The following NLK variants were observed in gnomAD, a reference collection of about 807,000 sequenced individuals.
NLK encodes nemo like kinase.
Under a neutral mutation model 59.0 loss-of-function variants are expected in NLK, and 11 were observed. The observed-to-expected ratio is 0.19, with a 90% CI of 0.12 to 0.31. The LOEUF (loss-of-function observed/expected upper bound fraction) is 0.31, where lower values mean the gene tolerates loss of function less well. Among genes scored for constraint, NLK ranks in the 10% least tolerant of loss-of-function variants. The pLI, the probability that NLK is intolerant of heterozygous loss-of-function variation, is 1.00. For missense variants in NLK, 410 were observed against 661.1 expected (o/e 0.62, Z 4.16); for synonymous variants, 235 against 235.9 (o/e 1.00, Z 0.03).
rs1394476582 is a variant in NLK, at chr17:28,111,896, G to GTGGTGT, written c.459-10707_459-10706insTGGTGT. ...TGTGTGTGTGTGTGTGTGTGTGTGT[G>GTGGTGT]GTGTGTGTGTGTGTGTGTGTGTGTG... On this transcript the variant is annotated intron_variant, in intron 1 of 10. Coordinates refer to ENST00000407008, the MANE Select transcript of NLK (RefSeq NM_016231.5). 4.0e-3 allele frequency among the ~76,000 whole-genome samples: 273 copies of GTGGTGT among 67,514 alleles called. 1 individual carries two copies. Among genetic ancestry groups the GTGGTGT allele is most frequent in the Middle Eastern group, 0.027 (2 of 74 alleles). 44.3% of individuals were successfully genotyped at this position (67,514 alleles called of 152,430 possible). A position where few individuals can be genotyped will look rare whatever the true frequency, so the allele number is the denominator to read the frequency against.
intron 3 of NLK, among the ~76,000 whole-genome samples, chr17:28,143,358 A>T (rs1043567581): frequency 6.0e-5 from 9 of 150,314 alleles, no homozygotes; most frequent in Admixed American, 5.9e-4. Flanking sequence ...GAAAACTTTT[A>T]AAAAAGGATT....
chr17:28,186,575 G>A (rs1182188741), intron 8 of NLK, among the ~76,000 whole-genome samples: 1 of 152,146 alleles, frequency 6.6e-6, no homozygotes, highest in East Asian at 1.9e-4. Context: ...CACATGGCTG[G>A]GGAAGCCTCA....
At chr17:28,137,816 A>G (rs568974788) in intron 3 of NLK, among the ~76,000 whole-genome samples, 2 of 152,306 alleles carry the variant, frequency 1.3e-5, no homozygotes, top group African/African-American at 4.8e-5. Context: ...ACAGGGTTCA[A>G]CAGATGTAGG....
At chr17:28,205,835 CAAGT>C in the NLK span, among the ~76,000 whole-genome samples, 1 of 152,056 alleles carries the variant, frequency 6.6e-6, no homozygotes, top group Non-Finnish European at 1.5e-5. Context: ...TTCATCCATG[CAAGT>C]AAGTTTAGAC....
chr17:28,049,809 C>G (rs1285287955), intron 1 of NLK, among the ~76,000 whole-genome samples: 1 of 152,024 alleles, frequency 6.6e-6, no homozygotes, highest in Non-Finnish European at 1.5e-5. Flanking sequence ...GGTGAAATCC[C>G]GTCTCTACTA....
intron 3 of NLK, among the ~76,000 whole-genome samples, chr17:28,141,187 C>T (rs1188201321): frequency 6.6e-6 from 1 of 152,058 alleles, no homozygotes. Context: ...TTAAATGGAC[C>T]ACTATTTTAT....
chr17:28,067,854 A>ATG (rs1422314183), intron 1 of NLK, among the ~76,000 whole-genome samples: 1 of 151,288 alleles, frequency 6.6e-6, no homozygotes, highest in Non-Finnish European at 1.5e-5. Context: ...ATATATATAT[A>ATG]TATGGTCTGG....
intron 10 of NLK, among the ~76,000 whole-genome samples, chr17:28,192,592 C>T (rs1909344951): frequency 2.0e-5 from 3 of 151,614 alleles, no homozygotes; most frequent in Admixed American, 6.6e-5. Flanking sequence ...CACTTGAACC[C>T]GGGAGGCAGA....
At chr17:28,193,640 C>G (rs549773620) in intron 10 of NLK, among the ~76,000 whole-genome samples, 1 of 152,344 alleles carries the variant, frequency 6.6e-6, no homozygotes, top group African/African-American at 2.4e-5. Flanking sequence ...CACACAGTCT[C>G]TATCTTCCCC....
intron 7 of NLK, among the ~76,000 whole-genome samples, chr17:28,174,884 A>G (rs1013271148): frequency 4.0e-5 from 6 of 151,732 alleles, no homozygotes; most frequent in Admixed American, 2.0e-4. Flanking sequence ...TTGTTGGCCT[A>G]TTAGCAGCTG....
chr17:28,051,234 T>C (rs1001449944), intron 1 of NLK, among the ~76,000 whole-genome samples: 2 of 152,230 alleles, frequency 1.3e-5, no homozygotes, highest in Non-Finnish European at 2.9e-5. Context: ...AGTATTACTT[T>C]TTACAATTTT....
intron 1 of NLK, among the ~76,000 whole-genome samples, chr17:28,072,472 C>CA (rs1207137957): frequency 6.6e-6 from 1 of 151,886 alleles, no homozygotes; most frequent in African/African-American, 2.4e-5. Context: ...ACCACAGTCA[C>CA]ATGCCACCAC....
At chr17:28,066,636 A>G (rs554658311) in intron 1 of NLK, among the ~76,000 whole-genome samples, 1 of 152,360 alleles carries the variant, frequency 6.6e-6, no homozygotes, top group East Asian at 1.9e-4. Context: ...AATACCTAGG[A>G]GTGGAATGAC....
intron 1 of NLK, among the ~76,000 whole-genome samples, chr17:28,049,791 A>C (rs531890055): frequency 6.6e-6 from 1 of 152,170 alleles, no homozygotes; most frequent in South Asian, 2.1e-4. Context: ...GACCCTCCTG[A>C]CCAACATGGT....
intron 1 of NLK, among the ~76,000 whole-genome samples, chr17:28,103,911 T>C (rs1158833180): frequency 6.6e-6 from 1 of 152,248 alleles, no homozygotes; most frequent in Non-Finnish European, 1.5e-5. Context: ...TGATTACCAT[T>C]ATTATTTAAT....
At chr17:28,167,686 CAA>C (rs371790122) in intron 5 of NLK, among the ~76,000 whole-genome samples, 7 of 93,896 alleles carry the variant, frequency 7.5e-5, no homozygotes, top group Non-Finnish European at 6.8e-5. Flanking sequence ...CTCATCCCTA[CAA>C]AAAAAAAAAA....
intron 1 of NLK, among the ~76,000 whole-genome samples, chr17:28,096,669 C>T (rs1188153987): frequency 6.6e-6 from 1 of 152,144 alleles, no homozygotes; most frequent in Non-Finnish European, 1.5e-5. Context: ...ATATTGAAGA[C>T]ACTTCTCTAG....
intron 7 of NLK, among the ~76,000 whole-genome samples, chr17:28,173,367 A>T (rs993483386): frequency 1.3e-5 from 2 of 152,194 alleles, no homozygotes; most frequent in Non-Finnish European, 2.9e-5. Context: ...CGTTTAGATT[A>T]TCTGATTGAT....
chr17:28,146,991 A>G (rs1567727734), intron 3 of NLK, among the ~76,000 whole-genome samples: 1 of 152,236 alleles, frequency 6.6e-6, no homozygotes, highest in Non-Finnish European at 1.5e-5. Flanking sequence ...AGTAAATTTC[A>G]GCTGTTTTCA....
Sources: gnomAD v4.1 joint callset for allele counts (sites outside exome capture counted in the v4.1 genomes callset) on GRCh38, gnomAD v4.1.1 for gene constraint, MANE v1.5 for transcripts, NCBI Gene and HGNC (gene_info 2026-07-23, HGNC 2026-07-21) for gene names.